The following SMOC1 variants were observed in gnomAD, a reference collection of about 807,000 sequenced individuals.
SMOC1 encodes SPARC-related modular calcium-binding protein 1.
In SMOC1, 22 loss-of-function variants were observed where a neutral mutation model predicts 56.3. The observed-to-expected ratio is 0.39, with a 90% CI of 0.28 to 0.56. The LOEUF is 0.56. SMOC1 is among the 20% of genes least tolerant of loss of function. The probability of loss-of-function intolerance (pLI) is 0.61; values close to 1 mark genes in which losing one functional copy is unlikely to be tolerated. For synonymous variants in SMOC1, 193 were observed against 215.0 expected, an observed-to-expected ratio of 0.90 and a Z score of 0.89; for missense variants, 509 against 565.4, an observed-to-expected ratio of 0.90 and a Z score of 1.01.
intron 1 of SMOC1, among the ~76,000 whole-genome samples, chr14:69,917,815 G>T (rs74063008): frequency 0.013 from 1,913 of 152,256 alleles, 51 homozygotes; most frequent in African/African-American, 0.045. Flanking sequence ...GGCCTTTAGG[G>T]ATGATTCCAA....
At chr14:70,015,606 G>T (rs993014972) in intron 10 of SMOC1, among the ~76,000 whole-genome samples, 1 of 152,086 alleles carries the variant, frequency 6.6e-6, no homozygotes, top group Non-Finnish European at 1.5e-5. Flanking sequence ...TGTTTCTGCC[G>T]CCCCTGTGGG....
intron 5 of SMOC1, among the ~76,000 whole-genome samples, chr14:69,988,755 T>C (rs1884457388): frequency 6.6e-6 from 1 of 152,232 alleles, no homozygotes; most frequent in South Asian, 2.1e-4. Flanking sequence ...TCTGTGTCTA[T>C]AGATGTAGCC....
intron 3 of SMOC1, among the ~76,000 whole-genome samples, chr14:69,966,810 C>G (rs11847692): frequency 0.085 from 12,927 of 152,260 alleles, 1,278 homozygotes; most frequent in African/African-American, 0.24. Context: ...ATTATAGAAT[C>G]CACAGAAAGA....
Position 69,896,473 on chromosome 14 carries a change from T to C in SMOC1, c.99+16696T>C, listed in dbSNP as rs76818793. The stretch of plus-strand genomic sequence containing the variant: ...GGGTAATTGAGCTTAAATGAAGTAA[T>C]GGTAGGAAGCTCAATAAATGTTAAC... On this transcript the variant is annotated intron_variant, in intron 1 of 11. Transcript: ENST00000361956. Among the ~76,000 whole-genome samples, 815 of 152,274 alleles carry C rather than the reference T, an allele frequency of 5.4e-3. 3 individuals carry two copies. The highest frequency in any genetic ancestry group is 0.016 in the African/African-American group (685 of 41,532).
chr14:69,908,854 C>T (rs995657685), intron 1 of SMOC1, among the ~76,000 whole-genome samples: 5 of 152,066 alleles, frequency 3.3e-5, no homozygotes, highest in Admixed American at 6.6e-5. Context: ...CTTTCCTTGC[C>T]TCTTTTCTTT....
chr14:69,943,773 A>G (rs888872026), intron 1 of SMOC1, among the ~76,000 whole-genome samples: 2 of 152,242 alleles, frequency 1.3e-5, no homozygotes, highest in Admixed American at 6.5e-5. Flanking sequence ...AACAAGACAG[A>G]AAAACATCCC....
At chr14:70,006,928 A>G (rs1008469700) in intron 7 of SMOC1, among the ~76,000 whole-genome samples, 4 of 152,210 alleles carry the variant, frequency 2.6e-5, no homozygotes, top group African/African-American at 9.6e-5. Flanking sequence ...GCCTGACACA[A>G]AACATCAGCA....
intron 1 of SMOC1, among the ~76,000 whole-genome samples, chr14:69,939,633 T>A (rs942641517): frequency 6.6e-6 from 1 of 152,202 alleles, no homozygotes; most frequent in African/African-American, 2.4e-5. Context: ...GGACCCAGTC[T>A]CCCCTTAGCT....
intron 1 of SMOC1, among the ~76,000 whole-genome samples, chr14:69,932,155 A>G (rs1007203925): frequency 6.6e-6 from 1 of 152,142 alleles, no homozygotes; most frequent in Non-Finnish European, 1.5e-5. Flanking sequence ...ACCCTTCTTC[A>G]CCACTACCCT....
At chr14:69,927,842 C>T (rs979996195) in intron 1 of SMOC1, among the ~76,000 whole-genome samples, 10 of 152,176 alleles carry the variant, frequency 6.6e-5, no homozygotes, top group Non-Finnish European at 1.5e-4. Context: ...CTTGGCAGGA[C>T]TGAGCATTCC....
intron 1 of SMOC1, among the ~76,000 whole-genome samples, chr14:69,903,710 TCGTTAATAGTCA>T (rs897489128): frequency 1.3e-5 from 2 of 152,072 alleles, no homozygotes; most frequent in African/African-American, 4.8e-5. Context: ...GGCAGCATGC[TCGTTAATAGTCA>T]TCACCACTCC....
intron 3 of SMOC1, among the ~76,000 whole-genome samples, chr14:69,960,538 A>G (rs144505873): frequency 8.1e-4 from 123 of 152,246 alleles, no homozygotes; most frequent in African/African-American, 2.9e-3. Context: ...TACAGATGGT[A>G]TAAATGGTAA....
intron 3 of SMOC1, among the ~76,000 whole-genome samples, chr14:69,957,104 T>A (rs1883215761): frequency 6.6e-6 from 1 of 152,188 alleles, no homozygotes. Context: ...GTTCTGGGTA[T>A]CTGGAACACA....
intron 3 of SMOC1, among the ~76,000 whole-genome samples, chr14:69,960,018 G>A (rs1420559218): frequency 6.6e-6 from 1 of 152,178 alleles, no homozygotes; most frequent in African/African-American, 2.4e-5. Context: ...TGTGTGACTA[G>A]CTTGCCCTGG....
At position 69,952,719 on chromosome 14, in the gene SMOC1, GA is replaced by G. The variant is rs544473411; in HGVS notation, c.265+424del. 8.0e-3 allele frequency among the ~76,000 whole-genome samples: 1,212 copies of G among 152,156 alleles called. 13 individuals carry two copies. Among genetic ancestry groups the G allele is most frequent in the Non-Finnish European group, 0.013 (870 of 67,980 alleles). On this transcript the variant is annotated intron_variant, in intron 2 of 11. Transcript: ENST00000361956. ...ACATTTAAAAATTGGGAGATTCAAA[GA>G]AAAAAAATCTGGCTTTTTGTCCTTC... is the stretch of plus-strand genomic sequence containing the variant.
At chr14:69,939,574 T>C (rs1566681169) in intron 1 of SMOC1, among the ~76,000 whole-genome samples, 1 of 152,166 alleles carries the variant, frequency 6.6e-6, no homozygotes, top group African/African-American at 2.4e-5. Flanking sequence ...CTTTTGCAAG[T>C]TCTCTCTAAG....
chr14:69,919,515 T>C (rs1236946515), intron 1 of SMOC1, among the ~76,000 whole-genome samples: 1 of 152,246 alleles, frequency 6.6e-6, no homozygotes, highest in Non-Finnish European at 1.5e-5. Flanking sequence ...CAGGCACATG[T>C]AATATCGTAA....
At chr14:70,024,514 T>C (rs1281152932) in intron 11 of SMOC1, among the ~76,000 whole-genome samples, 1 of 152,174 alleles carries the variant, frequency 6.6e-6, no homozygotes, top group Non-Finnish European at 1.5e-5. Context: ...ATTTAGTCTC[T>C]TGCAGATAAA....
At chr14:69,947,817 G>C (rs1173844675) in intron 1 of SMOC1, among the ~76,000 whole-genome samples, 1 of 152,240 alleles carries the variant, frequency 6.6e-6, no homozygotes. Context: ...GCCACATGTA[G>C]TTTGTGGCTG....
Sources: allele counts gnomAD v4.1 joint callset (sites outside exome capture counted in the v4.1 genomes callset), GRCh38; gene constraint gnomAD v4.1.1; transcripts MANE v1.5; gene names NCBI Gene and HGNC (gene_info 2026-07-23, HGNC 2026-07-21).